The following RREB1 variants were observed in gnomAD, a reference collection of about 807,000 sequenced individuals.
RREB1 encodes the protein ras-responsive element-binding protein 1.
Under a neutral mutation model 117.8 loss-of-function variants are expected in RREB1, and 27 were observed. The ratio of observed to expected loss-of-function variants is 0.23; its 90% CI spans 0.17 to 0.32. The LOEUF (loss-of-function observed/expected upper bound fraction) is 0.32, where lower values mean the gene tolerates loss of function less well. RREB1 is among the 10% of genes least tolerant of loss of function. RREB1 has a pLI of 1.00. For missense variants in RREB1, 2,577 were observed against 2,378.2 expected (o/e 1.08, Z -1.74); for synonymous variants, 1,298 against 1,026.7 (o/e 1.26, Z -5.05).
At chr6:7,207,958 G>T (rs947846492) in intron 6 of RREB1, among the ~76,000 whole-genome samples, 4 of 152,156 alleles carry the variant, frequency 2.6e-5, no homozygotes, top group African/African-American at 9.7e-5. Flanking sequence ...CCTTGTTGGT[G>T]GAAGTGTCCA....
At chr6:7,220,352 T>C (rs768987406) in intron 8 of RREB1, among the ~76,000 whole-genome samples, 1 of 152,248 alleles carries the variant, frequency 6.6e-6, no homozygotes, top group Non-Finnish European at 1.5e-5. Flanking sequence ...GAGGTCAGGC[T>C]GAATGTCCAT....
rs755180666 is a variant in RREB1 at position 7,231,257 on chromosome 6, T to G, written c.3158T>G (p.Leu1053Trp). ...CTGCGGCCCAAGCCCCCGCTGCTTTTGCCAAAGCCCCCCGTGACAGAAGAG... is the reference window on the plus strand; with the variant it reads ...CTGCGGCCCAAGCCCCCGCTGCTTTGGCCAAAGCCCCCCGTGACAGAAGAG... ...RPLRPKPPLLLPKPPVTEELP... is the reference protein window; with the variant it reads ...RPLRPKPPLLWPKPPVTEELP... Residue 1053 changes from leucine to tryptophan, a missense_variant, in exon 10 of 13, where the codon TTG becomes TGG. Leu to Trp is a moderately conservative substitution (Grantham distance 61). Transcript: ENST00000379938. 5 of 1,612,530 alleles carry G rather than the reference T, an allele frequency of 3.1e-6. No individual in the cohort carries two copies. Among genetic ancestry groups the G allele is most frequent in the Non-Finnish European group, 4.2e-6 (5 of 1,179,502 alleles).
chr6:7,132,900 G>A (rs1186455360), intron 1 of RREB1, among the ~76,000 whole-genome samples: 1 of 152,090 alleles, frequency 6.6e-6, no homozygotes, highest in Non-Finnish European at 1.5e-5. Flanking sequence ...ACACAGATAA[G>A]GAAACTTGAA....
At position 7,230,070 on chromosome 6, in the gene RREB1, C is replaced by G; in HGVS notation, c.1971C>G (p.Val657=). 1 of 1,604,842 alleles carries G rather than the reference C, an allele frequency of 6.2e-7. No individual in the cohort carries two copies. Among genetic ancestry groups the G allele is most frequent in the Non-Finnish European group, 8.5e-7 (1 of 1,174,220 alleles). Residue 657 remains valine (V), a synonymous_variant, in exon 10 of 13, where the codon GTC becomes GTG. Coordinates refer to ENST00000379938, the MANE Select transcript of RREB1 (RefSeq NM_001003699.4). ...FCNQVFAFSG[V]LRAHVRSHLG... ...ACCAGGTGTTTGCCTTCTCGGGGGT[C>G]TTGCGTGCCCACGTGCGCTCCCACC...
chr6:7,156,420 T>C (rs1477219926), intron 1 of RREB1, among the ~76,000 whole-genome samples: 1 of 152,236 alleles, frequency 6.6e-6, no homozygotes, highest in African/African-American at 2.4e-5. Context: ...CAATCTAACC[T>C]GTGAGGAAGG....
At chr6:7,184,905 A>G (rs1015817266) in intron 4 of RREB1, 8 of 151,388 alleles carry the variant, frequency 5.3e-5, no homozygotes, top group African/African-American at 9.7e-5. Flanking sequence ...AAAATTGCCT[A>G]TCTACTAATT....
intron 1 of RREB1, among the ~76,000 whole-genome samples, chr6:7,153,466 T>G (rs375009065): frequency 3.4e-5 from 5 of 147,544 alleles, no homozygotes; most frequent in African/African-American, 1.0e-4. Context: ...GTATTTACTT[T>G]TCACATTTTT....
At chr6:7,135,339 A>G (rs1372245193) in intron 1 of RREB1, among the ~76,000 whole-genome samples, 2 of 152,214 alleles carry the variant, frequency 1.3e-5, no homozygotes. Context: ...GTACCATATA[A>G]AGGATTAGGA....
Position 7,211,732 on chromosome 6 carries a change from C to G in RREB1, c.707+23C>G, listed in dbSNP as rs1244494463. The G allele has an allele frequency of 6.2e-6, 10 of 1,611,208 alleles. No homozygotes were observed. In the East Asian group the frequency reaches 2.2e-4, roughly 36 times the overall value. On this transcript the variant is annotated intron_variant, in intron 8 of 12. Transcript: ENST00000379938. ...AAGGTAGGAGAAAGAGTGAACTAGA[C>G]CTTGTTCATTCCTGTTTCTCCTGGC...
intron 11 of RREB1, among the ~76,000 whole-genome samples, chr6:7,245,425 G>A (rs115343427): frequency 1.5e-3 from 235 of 152,238 alleles, no homozygotes; most frequent in African/African-American, 5.5e-3. Context: ...ATCAGACATA[G>A]GATCTGCAGC....
chr6:7,155,398 C>T (rs1763316900), intron 1 of RREB1, among the ~76,000 whole-genome samples: 2 of 152,234 alleles, frequency 1.3e-5, no homozygotes, highest in Non-Finnish European at 2.9e-5. Flanking sequence ...CTTCCGTCTC[C>T]CGGGTTTAAG....
At chr6:7,166,892 G>A (rs1206232877) in intron 1 of RREB1, among the ~76,000 whole-genome samples, 2 of 152,216 alleles carry the variant, frequency 1.3e-5, no homozygotes, top group African/African-American at 4.8e-5. Flanking sequence ...CTCAGGGCCT[G>A]TGAAAGAGTT....
chr6:7,122,500 A>C (rs924896967), intron 1 of RREB1, among the ~76,000 whole-genome samples: 4 of 152,164 alleles, frequency 2.6e-5, no homozygotes, highest in African/African-American at 9.7e-5. Context: ...TCTTGGATTC[A>C]AGTGATCCTC....
chr6:7,231,635 C>T lies in RREB1; in HGVS notation c.3536C>T (p.Ala1179Val). The T allele has an allele frequency of 6.2e-7, 1 of 1,611,452 alleles. No homozygotes were observed. The highest frequency in any genetic ancestry group is 8.5e-7 in the Non-Finnish European group (1 of 1,179,222). ...GVDLDSSGEF[A>V]SIEKMLATTD... ...GACCTGGACTCCAGCGGGGAGTTTGCCAGCATCGAGAAGATGCTGGCCACC... is the reference window on the plus strand; with the variant it reads ...GACCTGGACTCCAGCGGGGAGTTTGTCAGCATCGAGAAGATGCTGGCCACC... Residue 1179 changes from alanine to valine, a missense_variant, in exon 10 of 13, where the codon GCC becomes GTC. Transcript: ENST00000379938.
intron 8 of RREB1, 87 bp downstream of exon 8, chr6:7,211,796 G>A: frequency 7.2e-7 from 1 of 1,396,720 alleles, no homozygotes; most frequent in Non-Finnish European, 1.0e-6. Flanking sequence ...TCCACACCGG[G>A]CTCCAGTGAT....
chr6:7,108,419 C>T (rs1760942358), intron 1 of RREB1, among the ~76,000 whole-genome samples: 1 of 152,042 alleles, frequency 6.6e-6, no homozygotes, highest in Non-Finnish European at 1.5e-5. Context: ...CAGCGCCCCG[C>T]CAGCAGGACC....
intron 6 of RREB1, among the ~76,000 whole-genome samples, chr6:7,203,875 A>G (rs1400161728): frequency 2.0e-5 from 3 of 152,190 alleles, no homozygotes; most frequent in African/African-American, 7.2e-5. Context: ...GGCAGTAGGA[A>G]TAAACGTCAG....
At chr6:7,201,778 T>C (rs908416964) in intron 6 of RREB1, among the ~76,000 whole-genome samples, 3 of 152,144 alleles carry the variant, frequency 2.0e-5, no homozygotes, top group Non-Finnish European at 1.5e-5. Flanking sequence ...TTCATGCTTA[T>C]ATAACCCAGC....
At chr6:7,165,805 A>G (rs2113478223) in intron 1 of RREB1, among the ~76,000 whole-genome samples, 1 of 151,064 alleles carries the variant, frequency 6.6e-6, no homozygotes, top group South Asian at 2.1e-4. Context: ...TTGAAGGAAG[A>G]GACTGTCCTG....
Sources: gnomAD v4.1 joint callset for allele counts (sites outside exome capture counted in the v4.1 genomes callset) on GRCh38, gnomAD v4.1.1 for gene constraint, MANE v1.5 for transcripts, NCBI Gene and HGNC (gene_info 2026-07-23, HGNC 2026-07-21) for gene names.